The following C17orf99 variants were observed in gnomAD, a reference collection of about 807,000 sequenced individuals.
The protein encoded by C17orf99 is chromosome 17 open reading frame 99.
Under a neutral mutation model 22.6 loss-of-function variants are expected in C17orf99, and 18 were observed. The ratio of observed to expected loss-of-function variants is 0.80; its 90% CI spans 0.55 to 1.18. C17orf99 has a LOEUF of 1.18. C17orf99 is among the 50% of genes most tolerant of loss of function. The pLI is 0.00. For missense variants in C17orf99, 328 were observed against 342.7 expected, an observed-to-expected ratio of 0.96 and a Z score of 0.34; for synonymous variants, 147 against 136.6, an observed-to-expected ratio of 1.08 and a Z score of -0.53.
At chr17:78,147,876 C>T (rs913521465) in intron 2 of C17orf99, among the ~76,000 whole-genome samples, 1 of 152,196 alleles carries the variant, frequency 6.6e-6, no homozygotes, top group African/African-American at 2.4e-5. Context: ...TTCCGCCTCC[C>T]CCTCTTGGCT....
Position 78,165,943 on chromosome 17 carries a change from C to A in C17orf99, c.695C>A (p.Ala232Asp). ...WQGPLESPILALPLYRSTRRL... is the reference protein window; with the variant it reads ...WQGPLESPILDLPLYRSTRRL... Reference sequence around the variant, plus strand: ...GGTCCCCTGGAGAGCCCCATCCTTGCCTTGCCGCTCTACAGGAGCACCCGC... The same window carrying A: ...GGTCCCCTGGAGAGCCCCATCCTTGACTTGCCGCTCTACAGGAGCACCCGC... The change falls in exon 5 of 5, where the codon GCC becomes GAC. Residue 232 changes from alanine to aspartate, a missense_variant. By Grantham distance (126) the Ala-to-Asp change is moderately radical (BLOSUM62 -2). Coordinates refer to ENST00000340363, the MANE Select transcript of C17orf99 (RefSeq NM_001163075.2). 1 of 1,482,064 alleles carries A rather than the reference C, an allele frequency of 6.7e-7. No individual in the cohort carries two copies. Among genetic ancestry groups the A allele is most frequent in the Non-Finnish European group, 9.1e-7 (1 of 1,103,884 alleles). The allele number at this position is 1,482,064 out of a possible 1,614,324, so 91.8% of individuals were successfully genotyped here.
At chr17:78,153,265 C>T (rs1340513993) in intron 2 of C17orf99, among the ~76,000 whole-genome samples, 1 of 152,012 alleles carries the variant, frequency 6.6e-6, no homozygotes, top group East Asian at 1.9e-4. Context: ...GGGTGGATCT[C>T]CTGAGCTCAG....
chr17:78,147,046 T>C (rs573769393), intron 2 of C17orf99, 135 bp downstream of exon 2: 200 of 768,014 alleles, frequency 2.6e-4, no homozygotes, highest in Non-Finnish European at 4.1e-4. Flanking sequence ...GGCTGGACAG[T>C]TCTGGAACAC....
At chr17:78,160,549 G>A (rs112062697) in intron 2 of C17orf99, among the ~76,000 whole-genome samples, 2,623 of 77,668 alleles carry the variant, frequency 0.034, 75 homozygotes, top group African/African-American at 0.13. Flanking sequence ...AAAAAAAAAA[G>A]AGAGAGAGAG....
Position 78,164,113 on chromosome 17 carries a change from G to C in C17orf99, c.389G>C (p.Arg130Pro), listed in dbSNP as rs528392197. The C allele has an allele frequency of 1.9e-6, 3 of 1,551,680 alleles. No homozygotes were observed. The African/African-American group carries it at 4.1e-5, about 21-fold the overall frequency. Residue 130 changes from arginine to proline, a missense_variant, in exon 4 of 5, where the codon CGG becomes CCG. Arg to Pro is a moderately radical substitution (Grantham distance 103, BLOSUM62 -2). Transcript: ENST00000340363. ...ELWSKPVSELRANFTLQDRGA... is the reference protein window; with the variant it reads ...ELWSKPVSELPANFTLQDRGA... ...CTGCCAGAGCCAGTGTCTGAGCTGCGGGCCAACTTCACTCTGCAGGACAGA... is the reference window on the plus strand; with the variant it reads ...CTGCCAGAGCCAGTGTCTGAGCTGCCGGCCAACTTCACTCTGCAGGACAGA...
intron 2 of C17orf99, among the ~76,000 whole-genome samples, chr17:78,151,766 G>T (rs1370475745): frequency 1.3e-5 from 2 of 152,166 alleles, no homozygotes; most frequent in Non-Finnish European, 2.9e-5. Flanking sequence ...TGTTCCCATG[G>T]GCAGGTCCTG....
Position 78,146,586 on chromosome 17 carries a change from G to A in C17orf99, c.37+142G>A. On this transcript the variant is annotated intron_variant, in intron 1 of 4. Coordinates refer to ENST00000340363, the MANE Select transcript of C17orf99 (RefSeq NM_001163075.2). This position sits in a 1 kb window ranked among gnomAD's most constrained non-coding sequence, Gnocchi z 5.2. ...AACATGGACAGAGAGGGAAAGATCT[G>A]GGCTTGAGTCTCGGACCAGCCCCTA... 1.2e-6 allele frequency: 1 copy of A among 813,902 alleles called. No homozygotes were observed. The highest frequency in any genetic ancestry group is 2.0e-6 in the Non-Finnish European group (1 of 502,030). 50.4% of individuals were successfully genotyped at this position (813,902 alleles called of 1,614,324 possible).
rs145853026 is a variant in C17orf99, at chr17:78,149,911, A to G, written c.70+3000A>G. The stretch of plus-strand genomic sequence containing the variant: ...CTTTTACTAGAGATGGGGTTTCACC[A>G]TGTTAGCCAGGATGGTGTTGATCGC... On this transcript the variant is annotated intron_variant, in intron 2 of 4. Coordinates refer to ENST00000340363, the MANE Select transcript of C17orf99 (RefSeq NM_001163075.2). 6.3e-3 allele frequency among the ~76,000 whole-genome samples: 956 copies of G among 151,792 alleles called. 1 individual carries two copies. The highest frequency in any genetic ancestry group is 0.011 in the Admixed American group (169 of 15,246).
Position 78,146,873 on chromosome 17 carries a change from T to C in C17orf99, c.38-6T>C. 6.4e-7 allele frequency: 1 copy of C among 1,551,380 alleles called. No individual in the cohort carries two copies. Among genetic ancestry groups the C allele is most frequent in the Non-Finnish European group, 8.7e-7 (1 of 1,146,750 alleles). ...CCTCTCCTTATCGCCCTTACCTCTC[T>C]TACAGCTGCCAGCAGCTTCTCCAAG... On this transcript the variant is annotated splice_region_variant and splice_polypyrimidine_tract_variant and intron_variant, in intron 1 of 4. Transcript: ENST00000340363. This position sits in a 1 kb window ranked among gnomAD's most constrained non-coding sequence, Gnocchi z 5.2.
At chr17:78,164,557 C>A (rs2075603802) in intron 4 of C17orf99, 193 bp downstream of exon 4, 2 of 1,533,212 alleles carry the variant, frequency 1.3e-6, no homozygotes, top group Non-Finnish European at 1.7e-6. Context: ...TGCCTCCGCC[C>A]CCTCCCAGGA....
intron 2 of C17orf99, among the ~76,000 whole-genome samples, chr17:78,148,244 G>A (rs1261384859): frequency 1.4e-5 from 2 of 146,832 alleles, no homozygotes; most frequent in South Asian, 2.1e-4. Flanking sequence ...AAAATGGCTC[G>A]ATCTCAGCTT....
Position 78,153,996 on chromosome 17 carries a change from G to A in C17orf99, c.71-6959G>A, listed in dbSNP as rs977706557. Reference sequence around the variant, plus strand: ...GCTGGAGTACAGCAGCACAATCTCCGCTCACTGCAGCCTCCACCTCTCAGG... The same window carrying A: ...GCTGGAGTACAGCAGCACAATCTCCACTCACTGCAGCCTCCACCTCTCAGG... On this transcript the variant is annotated intron_variant, in intron 2 of 4. Transcript: ENST00000340363. 3.5e-4 allele frequency among the ~76,000 whole-genome samples: 43 copies of A among 123,260 alleles called. 4 individuals carry two copies. Among genetic ancestry groups the A allele is most frequent in the Admixed American group, 1.9e-3 (18 of 9,368 alleles). The allele number at this position is 123,260 out of a possible 152,430, so 80.9% of individuals were successfully genotyped here.
rs574914421 is a variant in C17orf99 at position 78,164,402 on chromosome 17, G to A, written c.640+38G>A. The A allele has an allele frequency of 5.1e-5, 79 of 1,551,022 alleles. No homozygotes were observed. In the Middle Eastern group the frequency reaches 1.0e-3, roughly 20 times the overall value. On this transcript the variant is annotated intron_variant, in intron 4 of 4. Transcript: ENST00000340363. ...TTGGATTTCCAGAGGGGCAGCTGGC[G>A]CTTCTGTGCCGGGAGGGTGCTAGTG...
intron 4 of C17orf99, chr17:78,164,734 G>A: frequency 7.6e-7 from 1 of 1,321,028 alleles, no homozygotes; most frequent in Non-Finnish European, 9.8e-7. Flanking sequence ...CCGGGCCCTG[G>A]CTGCAGAGCT....
rs529040154 is a variant in C17orf99 at position 78,146,636 on chromosome 17, G to A, written c.37+192G>A. Among the ~76,000 whole-genome samples, 26 of 152,246 alleles carry A rather than the reference G, an allele frequency of 1.7e-4. No individual in the cohort carries two copies. The South Asian group carries it at 4.1e-3, about 24-fold the overall frequency. On this transcript the variant is annotated intron_variant, in intron 1 of 4. Coordinates refer to ENST00000340363, the MANE Select transcript of C17orf99 (RefSeq NM_001163075.2). The surrounding 1 kb of genome is among the most constrained non-coding windows in gnomAD (Gnocchi z 5.2). ...AAACTTGCTGTATATGTGGTCCAGG[G>A]ATTTCTGCACCATTCTGGGCTCACT...
intron 4 of C17orf99, 125 bp downstream of exon 4, chr17:78,164,489 G>A (rs2075602804): frequency 6.5e-7 from 1 of 1,541,666 alleles, no homozygotes; most frequent in South Asian, 1.2e-5. Flanking sequence ...AGAGCAGAGA[G>A]GGCACAGGAG....
At chr17:78,158,811 GTT>G in intron 2 of C17orf99, 1 of 165,100 alleles carries the variant, frequency 6.1e-6, no homozygotes. Flanking sequence ...GTTTGTTTTT[GTT>G]TTTTAATTCA....
At chr17:78,163,881 T>G (rs1449583141) in intron 3 of C17orf99, among the ~76,000 whole-genome samples, 1 of 152,064 alleles carries the variant, frequency 6.6e-6, no homozygotes, top group African/African-American at 2.4e-5. Flanking sequence ...AAAGTAAGAA[T>G]AAGATAAAAA....
At chr17:78,154,761 G>C (rs2075512395) in intron 2 of C17orf99, among the ~76,000 whole-genome samples, 1 of 152,148 alleles carries the variant, frequency 6.6e-6, no homozygotes, top group Admixed American at 6.6e-5. Context: ...AGAATTGCTT[G>C]AACCTGGGAA....
Sources: allele counts gnomAD v4.1 joint callset (sites outside exome capture counted in the v4.1 genomes callset), GRCh38; gene constraint gnomAD v4.1.1; non-coding constraint Gnocchi (gnomAD v3.1); transcripts MANE v1.5; gene names NCBI Gene and HGNC (gene_info 2026-07-23, HGNC 2026-07-21).